Variants in RTN4 observed in about 807,000 individuals in gnomAD.
The protein encoded by RTN4 is reticulon-4.
RTN4 carries 32 observed loss-of-function variants against 90.4 expected under a neutral mutation model. That is an observed-to-expected ratio of 0.35 (90% CI 0.27 to 0.48). The LOEUF (loss-of-function observed/expected upper bound fraction) is 0.48. Among genes scored for constraint, RTN4 ranks in the 20% least tolerant of loss-of-function variants. The pLI, the probability that RTN4 is intolerant of heterozygous loss-of-function variation, is 0.99. For synonymous variants in RTN4, 629 were observed against 552.5 expected, an observed-to-expected ratio of 1.14 and a Z score of -1.94; for missense variants, 1,706 against 1,430.2, an observed-to-expected ratio of 1.19 and a Z score of -3.11.
At chr2:54,979,113 G>T (rs187194422) in intron 5 of RTN4, among the ~76,000 whole-genome samples, 8 of 151,700 alleles carry the variant, frequency 5.3e-5, no homozygotes, top group African/African-American at 9.7e-5. Context: ...GAATGCAGTG[G>T]TATGATTATG....
At chr2:55,055,482 C>T (rs1380022191), upstream of RTN4, among the ~76,000 whole-genome samples, 2 of 152,040 alleles carry the variant, frequency 1.3e-5, no homozygotes, top group African/African-American at 4.8e-5. Context: ...AACCAACTGA[C>T]CTTGGCCGGG....
Position 55,025,664 on chromosome 2 carries a change from T to A in RTN4, c.2435A>T (p.Asp812Val), listed in dbSNP as rs906447353. 6.2e-7 allele frequency: 1 copy of A among 1,613,868 alleles called. No homozygotes were observed. The highest frequency in any genetic ancestry group is 8.5e-7 in the Non-Finnish European group (1 of 1,179,834). Residue 812 changes from aspartate to valine, a missense_variant, in exon 3 of 9, where the codon GAT becomes GTT. Physicochemically the swap from Asp to Val is radical, Grantham distance 152. Coordinates refer to ENST00000337526, the MANE Select transcript of RTN4 (RefSeq NM_020532.5). ...SFKLSLDNTK[D>V]TLLPDEVSTL... ...TGAAACTTCATCAGGTAACAGGGTA[T>A]CTTTTGTGTTATCTAAACTGAGCTT...
In RTN4 at chr2:54,973,049, T is replaced by C; in HGVS notation, c.*107A>G. The C allele has an allele frequency of 1.2e-6, 1 of 865,600 alleles. No homozygotes were observed. Among genetic ancestry groups the C allele is most frequent in the Admixed American group, 2.3e-5 (1 of 42,622 alleles). The allele number at this position is 865,600 out of a possible 1,614,324, so 53.6% of individuals were successfully genotyped here. ...AAAATAAAGATCTAACAACGATCTG[T>C]GAAACTGCACTGCAACGTCAAGGTT... On this transcript the variant is annotated 3_prime_UTR_variant, in exon 9 of 9. Transcript: ENST00000337526.
At chr2:55,069,068 A>G (rs1210611619) in intron 2 of RTN4, among the ~76,000 whole-genome samples, 1 of 152,242 alleles carries the variant, frequency 6.6e-6, no homozygotes, top group African/African-American at 2.4e-5. Flanking sequence ...GGCAAATAAC[A>G]TCTTAATATT....
chr2:55,119,566 T>C, the RTN4 span, among the ~76,000 whole-genome samples: 14 of 152,214 alleles, frequency 9.2e-5, no homozygotes, highest in Non-Finnish European at 1.6e-4. Context: ...CTTGGATTTA[T>C]AGAGCACTTT....
chr2:55,080,048 C>G (rs569092436), intron 2 of RTN4, among the ~76,000 whole-genome samples: 1 of 152,110 alleles, frequency 6.6e-6, no homozygotes, highest in African/African-American at 2.4e-5. Context: ...GGACAGGGGA[C>G]AGGGTCCTCC....
chr2:55,012,858 A>T (rs1166997881), intron 3 of RTN4, among the ~76,000 whole-genome samples: 2 of 152,222 alleles, frequency 1.3e-5, no homozygotes, highest in African/African-American at 2.4e-5. Flanking sequence ...AGAAAAATGT[A>T]CATCTGCATA....
intron 1 of RTN4, among the ~76,000 whole-genome samples, chr2:55,097,376 T>C (rs925725025): frequency 1.3e-5 from 2 of 151,510 alleles, no homozygotes; most frequent in African/African-American, 4.9e-5. Flanking sequence ...GGGGAAAGCC[T>C]GGTAATTCTG....
chr2:54,976,774 C>A (rs1409659772), intron 5 of RTN4, among the ~76,000 whole-genome samples: 1 of 152,174 alleles, frequency 6.6e-6, no homozygotes, highest in Admixed American at 6.5e-5. Flanking sequence ...GGTCAATAAA[C>A]ACTTTAAAGA....
intron 5 of RTN4, among the ~76,000 whole-genome samples, chr2:54,975,328 C>T (rs1677534663): frequency 1.3e-5 from 2 of 152,200 alleles, no homozygotes; most frequent in Non-Finnish European, 1.5e-5. Flanking sequence ...AGTTCCTTTG[C>T]TTTCTAATTC....
At chr2:55,052,257 G>A (rs1047656069), upstream of RTN4, among the ~76,000 whole-genome samples, 3 of 152,140 alleles carry the variant, frequency 2.0e-5, no homozygotes, top group East Asian at 1.9e-4. Flanking sequence ...TGTAACAAAT[G>A]TACCACCTCA....
chr2:55,135,087 G>A, the RTN4 span, among the ~76,000 whole-genome samples: 1 of 152,092 alleles, frequency 6.6e-6, no homozygotes, highest in Non-Finnish European at 1.5e-5. Context: ...GCAACATAGT[G>A]AGACTCCATT....
intron 1 of RTN4, among the ~76,000 whole-genome samples, chr2:55,047,632 C>A (rs557334324): frequency 1.3e-5 from 2 of 152,128 alleles, no homozygotes; most frequent in African/African-American, 4.8e-5. Flanking sequence ...TAACATCCTA[C>A]AAGGCTATGA....
chr2:55,047,349 CT>C (rs1667816610), intron 1 of RTN4, among the ~76,000 whole-genome samples: 1 of 151,080 alleles, frequency 6.6e-6, no homozygotes, highest in African/African-American at 2.4e-5. Flanking sequence ...AAAAAAATTC[CT>C]GTTTAAAAAT....
chr2:55,051,905 A>G (rs1266662650), upstream of RTN4, among the ~76,000 whole-genome samples: 3 of 150,964 alleles, frequency 2.0e-5, no homozygotes, highest in Non-Finnish European at 4.4e-5. Context: ...TAAATACATA[A>G]TGGCTCACAT....
rs115114228 is a variant in RTN4 at position 54,978,054 on chromosome 2, T to G, written c.3361-3290A>C. Among the ~76,000 whole-genome samples the G allele has an allele frequency of 8.0e-3, 1,211 of 152,266 alleles. 17 individuals carry two copies. Among genetic ancestry groups the G allele is most frequent in the African/African-American group, 0.028 (1,163 of 41,542 alleles). ...CTTCACTGCCCCCGCCAAAAGGCAA[T>G]AAGCAAGGAAAAGGTTTCACATGCT... On this transcript the variant is annotated intron_variant, in intron 5 of 8. Transcript: ENST00000337526.
chr2:55,028,407 T>G (rs1460071367), intron 1 of RTN4, among the ~76,000 whole-genome samples, 187 bp from the exon 2 acceptor site: 1 of 152,196 alleles, frequency 6.6e-6, no homozygotes. Flanking sequence ...ATCATATGTA[T>G]TATAAAGCTA....
At position 55,106,140 on chromosome 2, in the gene RTN4, G is replaced by A. The variant is rs1191147568; in HGVS notation, c.-214+6380C>T. Among the ~76,000 whole-genome samples the A allele has an allele frequency of 3.3e-5, 5 of 151,926 alleles. No homozygotes were observed. The East Asian group carries it at 9.6e-4, about 29-fold the overall frequency. The stretch of plus-strand genomic sequence containing the variant: ...TCATACTGTTGAGATTTGGTATTCG[G>A]TTTGTTATATAAGCTAGAGATCCAA... On this transcript the variant is annotated intron_variant, in intron 1 of 3. Transcript: ENST00000427710.
At chr2:55,000,486 AC>A (rs1679775592) in intron 3 of RTN4, among the ~76,000 whole-genome samples, 1 of 152,146 alleles carries the variant, frequency 6.6e-6, no homozygotes. Flanking sequence ...GCACTAATAA[AC>A]AATCAGCAAA....
Sources: gnomAD v4.1 joint callset for allele counts (sites outside exome capture counted in the v4.1 genomes callset) on GRCh38, gnomAD v4.1.1 for gene constraint, MANE v1.5 for transcripts, NCBI Gene and HGNC (gene_info 2026-07-23, HGNC 2026-07-21) for gene names.